PRICKLE1: variants seen among roughly 807,000 people sequenced by gnomAD.
PRICKLE1 encodes the protein prickle planar cell polarity protein 1, also known as prickle-like protein 1.
Under a neutral mutation model 70.2 loss-of-function variants are expected in PRICKLE1, and 14 were observed. The ratio of observed to expected loss-of-function variants is 0.20; its 90% confidence interval spans 0.13 to 0.31. PRICKLE1 has a LOEUF of 0.31. PRICKLE1 is among the 10% of genes least tolerant of loss of function. The pLI is 1.00. For missense variants in PRICKLE1, 821 were observed against 1,026.2 expected (o/e 0.80, Z 2.73); for synonymous variants, 357 against 379.9 (o/e 0.94, Z 0.70).
intron 2 of PRICKLE1, among the ~76,000 whole-genome samples, chr12:42,471,998 C>T (rs1224359720): frequency 6.6e-6 from 1 of 152,216 alleles, no homozygotes; most frequent in Non-Finnish European, 1.5e-5. Context: ...TGAGAACTGG[C>T]ATGGAAACTT....
intron 1 of PRICKLE1, among the ~76,000 whole-genome samples, chr12:42,520,174 A>G (rs1338727782): frequency 6.6e-6 from 1 of 152,192 alleles, no homozygotes; most frequent in East Asian, 1.9e-4. Flanking sequence ...ATGATAAATT[A>G]TCCAGGCCAC....
chr12:42,570,110 G>T (rs1202547639), intron 1 of PRICKLE1, among the ~76,000 whole-genome samples: 1 of 152,234 alleles, frequency 6.6e-6, no homozygotes, highest in Non-Finnish European at 1.5e-5. Flanking sequence ...CACCTGAGCG[G>T]TTATGACCGC....
At chr12:42,525,793 T>C (rs1265112487) in intron 1 of PRICKLE1, among the ~76,000 whole-genome samples, 3 of 151,536 alleles carry the variant, frequency 2.0e-5, no homozygotes, top group Admixed American at 2.0e-4. Context: ...TCTCCAAAAC[T>C]GAGGGAACAG....
intron 1 of PRICKLE1, among the ~76,000 whole-genome samples, chr12:42,528,807 C>T (rs1215190422): frequency 6.6e-6 from 1 of 152,188 alleles, no homozygotes; most frequent in East Asian, 1.9e-4. Flanking sequence ...ACATATATAA[C>T]ATGTATGTGT....
intron 1 of PRICKLE1, among the ~76,000 whole-genome samples, chr12:42,504,969 GTC>G (rs987353612): frequency 2.6e-5 from 4 of 151,402 alleles, no homozygotes; most frequent in African/African-American, 9.7e-5. Flanking sequence ...ATGAAACCCG[GTC>G]TCTACTAAAA....
chr12:42,537,247 C>A (rs117791595), intron 1 of PRICKLE1, among the ~76,000 whole-genome samples: 1 of 151,986 alleles, frequency 6.6e-6, no homozygotes, highest in East Asian at 1.9e-4. Flanking sequence ...TAGCCTCAAC[C>A]TCCTGAGCTC....
intron 1 of PRICKLE1, among the ~76,000 whole-genome samples, chr12:42,479,055 T>C (rs1176998892): frequency 1.3e-5 from 2 of 152,194 alleles, no homozygotes; most frequent in African/African-American, 4.8e-5. Context: ...TTTTAAAAAA[T>C]AGCCACTATT....
intron 1 of PRICKLE1, among the ~76,000 whole-genome samples, chr12:42,542,512 G>A (rs1194036470): frequency 1.3e-5 from 2 of 152,024 alleles, no homozygotes; most frequent in Admixed American, 1.3e-4. Flanking sequence ...TTGGCTGAGT[G>A]TGGTGGTGCA....
intron 1 of PRICKLE1, among the ~76,000 whole-genome samples, chr12:42,494,566 G>C (rs952602767): frequency 1.3e-5 from 2 of 152,044 alleles, no homozygotes; most frequent in African/African-American, 4.8e-5. Flanking sequence ...CAGCACTTTG[G>C]GAGGCTGAGA....
chr12:42,473,146 A>G (rs1938390424), intron 1 of PRICKLE1, among the ~76,000 whole-genome samples: 1 of 152,266 alleles, frequency 6.6e-6, no homozygotes, highest in Admixed American at 6.5e-5. Flanking sequence ...CAAAATAGAA[A>G]TAGCACAATT....
intron 1 of PRICKLE1, among the ~76,000 whole-genome samples, chr12:42,549,519 C>T (rs1050637535): frequency 6.6e-6 from 1 of 152,176 alleles, no homozygotes; most frequent in Non-Finnish European, 1.5e-5. Context: ...CTACCTCTCA[C>T]TGACATCTCC....
intron 1 of PRICKLE1, among the ~76,000 whole-genome samples, chr12:42,531,195 C>T (rs933987671): frequency 3.3e-5 from 5 of 151,734 alleles, no homozygotes; most frequent in East Asian, 3.9e-4. Flanking sequence ...TACAGGTGCC[C>T]GCCACCACGC....
intron 1 of PRICKLE1, among the ~76,000 whole-genome samples, chr12:42,538,799 C>A (rs536344966): frequency 6.6e-6 from 1 of 152,250 alleles, no homozygotes; most frequent in Non-Finnish European, 1.5e-5. Context: ...GTTTTCCTAT[C>A]TTTAAGTGCA....
chr12:42,464,947 G>T lies in PRICKLE1; in HGVS notation c.1087C>A (p.Leu363Ile). The change falls in exon 7 of 8, where the codon CTC (leucine) becomes ATC (isoleucine). Residue 363 changes from leucine to isoleucine, a missense_variant. Coordinates refer to ENST00000345127, the MANE Select transcript of PRICKLE1 (RefSeq NM_153026.3). This position sits in a 1 kb window ranked among gnomAD's most constrained non-coding sequence, Gnocchi z 4.2. ...AGGGTGTCATCAGCATTGCCTGAGA[G>T]GCCAGGAAACTTGTAGTTCAGAGCA... Reference protein sequence around the residue: ...SPALNYKFPGLSGNADDTLSR... With the variant: ...SPALNYKFPGISGNADDTLSR... 6.2e-7 allele frequency: 1 copy of T among 1,614,184 alleles called. No homozygotes were observed. Among genetic ancestry groups the T allele is most frequent in the Middle Eastern group, 1.6e-4 (1 of 6,062 alleles).
intron 1 of PRICKLE1, among the ~76,000 whole-genome samples, chr12:42,475,294 T>C (rs1236052521): frequency 6.6e-6 from 1 of 152,244 alleles, no homozygotes; most frequent in Non-Finnish European, 1.5e-5. Context: ...TTTTAGCAGA[T>C]GGCTAACTTA....
chr12:42,552,531 CT>C (rs1940334920), intron 1 of PRICKLE1, among the ~76,000 whole-genome samples: 1 of 152,204 alleles, frequency 6.6e-6, no homozygotes, highest in South Asian at 2.1e-4. Context: ...CTTTTTTATT[CT>C]TATTGTCATT....
intron 1 of PRICKLE1, among the ~76,000 whole-genome samples, chr12:42,510,478 A>C (rs780936854): frequency 6.6e-5 from 10 of 152,298 alleles, no homozygotes; most frequent in Non-Finnish European, 1.3e-4. Flanking sequence ...AGAACTGCTT[A>C]AGGCCAGGAG....
chr12:42,539,286 T>G (rs891163553), intron 1 of PRICKLE1, among the ~76,000 whole-genome samples: 2 of 151,846 alleles, frequency 1.3e-5, no homozygotes, highest in Admixed American at 6.6e-5. Flanking sequence ...GCTAACACGG[T>G]GAAACCCTGT....
chr12:42,576,683 C>G (rs1241495381), intron 1 of PRICKLE1, among the ~76,000 whole-genome samples: 1 of 152,192 alleles, frequency 6.6e-6, no homozygotes. Context: ...TCATGGCTCA[C>G]TGCTGTGTTC....
Sources: allele counts gnomAD v4.1 joint callset (sites outside exome capture counted in the v4.1 genomes callset), GRCh38; gene constraint gnomAD v4.1.1; non-coding constraint Gnocchi (gnomAD v3.1); transcripts MANE v1.5; gene names NCBI Gene and HGNC (gene_info 2026-07-23, HGNC 2026-07-21).